Variants in XKR6 observed in about 807,000 individuals in gnomAD.
The protein encoded by XKR6 is XK-related protein 6.
Under a neutral mutation model 56.7 loss-of-function variants are expected in XKR6, and 22 were observed. The ratio of observed to expected loss-of-function variants is 0.39; its 90% confidence interval spans 0.28 to 0.55. The LOEUF (loss-of-function observed/expected upper bound fraction) is 0.55. XKR6 is among the 20% of genes least tolerant of loss of function. XKR6 has a pLI of 0.66. For synonymous variants in XKR6, 524 were observed against 387.8 expected (o/e 1.35, Z -4.13); for missense variants, 852 against 889.0 (o/e 0.96, Z 0.53).
intron 1 of XKR6, among the ~76,000 whole-genome samples, chr8:10,950,682 C>T (rs534498824): frequency 1.3e-5 from 2 of 152,330 alleles, no homozygotes; most frequent in East Asian, 3.9e-4. Context: ...TTCGTTCATA[C>T]CTCAACACAT....
At chr8:10,979,786 G>C (rs1044360552) in intron 1 of XKR6, among the ~76,000 whole-genome samples, 2 of 152,202 alleles carry the variant, frequency 1.3e-5, no homozygotes, top group Non-Finnish European at 2.9e-5. Flanking sequence ...CTCTGAGTGA[G>C]GACCCTGTGC....
chr8:11,112,401 G>C (rs770179234), intron 1 of XKR6, among the ~76,000 whole-genome samples: 7 of 151,988 alleles, frequency 4.6e-5, no homozygotes, highest in African/African-American at 7.2e-5. Flanking sequence ...CAAAGAGGTA[G>C]GCCTTTTTTG....
chr8:10,947,274 A>G (rs1801581076), intron 1 of XKR6, among the ~76,000 whole-genome samples: 1 of 152,204 alleles, frequency 6.6e-6, no homozygotes, highest in African/African-American at 2.4e-5. Flanking sequence ...TGGTGTTGCC[A>G]TTCACCGGGA....
chr8:10,963,628 A>C (rs1396806842), intron 1 of XKR6, among the ~76,000 whole-genome samples: 1 of 151,124 alleles, frequency 6.6e-6, no homozygotes, highest in African/African-American at 2.4e-5. Flanking sequence ...TGCATCCTCG[A>C]CCTCCCAGGC....
intron 1 of XKR6, among the ~76,000 whole-genome samples, chr8:11,019,479 C>T (rs1367206683): frequency 6.6e-6 from 1 of 152,228 alleles, no homozygotes; most frequent in Non-Finnish European, 1.5e-5. Flanking sequence ...GGGAGGTGGG[C>T]TGCTGGGCTG....
In XKR6 at chr8:11,201,589, A is replaced by G. The variant is rs1451235788; in HGVS notation, c.-250T>C. Among the ~76,000 whole-genome samples the G allele has an allele frequency of 6.6e-6, 1 of 151,078 alleles. No individual in the cohort carries two copies. Among genetic ancestry groups the G allele is most frequent in the Non-Finnish European group, 1.5e-5 (1 of 67,712 alleles). On this transcript the variant is annotated 5_prime_UTR_variant, in exon 1 of 3. Coordinates refer to ENST00000416569, the MANE Select transcript of XKR6 (RefSeq NM_173683.4). ...CCCCAGCCCTACCCTCCCGGCCAAG[A>G]TGGCCGCCCTCCTGTGCCTCAGCTG... is the stretch of plus-strand genomic sequence containing the variant.
intron 1 of XKR6, among the ~76,000 whole-genome samples, chr8:11,060,919 T>G (rs577758300): frequency 7.9e-5 from 12 of 152,342 alleles, no homozygotes; most frequent in African/African-American, 2.4e-4. Flanking sequence ...GTAAATATTC[T>G]TATCCCCTAT....
chr8:11,170,566 C>T (rs1269764723), intron 1 of XKR6, among the ~76,000 whole-genome samples: 1 of 152,168 alleles, frequency 6.6e-6, no homozygotes, highest in East Asian at 1.9e-4. Context: ...GAAGTGACTA[C>T]AATGGATGCA....
chr8:10,968,789 G>C (rs1802309369), intron 1 of XKR6, among the ~76,000 whole-genome samples: 1 of 152,242 alleles, frequency 6.6e-6, no homozygotes. Flanking sequence ...AATAGAAGGA[G>C]GAAAATGAGA....
chr8:11,030,179 T>C (rs1017602824), intron 1 of XKR6, among the ~76,000 whole-genome samples: 4 of 152,140 alleles, frequency 2.6e-5, no homozygotes, highest in Admixed American at 1.3e-4. Context: ...CCTGCCCGAG[T>C]TGGGCTCATT....
intron 1 of XKR6, among the ~76,000 whole-genome samples, chr8:11,011,308 T>C (rs1418169750): frequency 6.6e-6 from 1 of 152,194 alleles, no homozygotes; most frequent in Non-Finnish European, 1.5e-5. Context: ...GAAGCCCTTC[T>C]TGGGGTGGCC....
chr8:10,968,060 T>C lies in XKR6; in HGVS notation c.765-43230A>G, dbSNP rs531550167. Among the ~76,000 whole-genome samples the C allele has an allele frequency of 2.6e-5, 4 of 152,292 alleles. No homozygotes were observed. In the South Asian group the frequency reaches 8.3e-4, roughly 32 times the overall value. ...AGAGGCCCTGCAGCACCCCCCAGCCTTTCCTGTGAGCGAGGGGCCTGTTGC... is the reference window on the plus strand; with the variant it reads ...AGAGGCCCTGCAGCACCCCCCAGCCCTTCCTGTGAGCGAGGGGCCTGTTGC... On this transcript the variant is annotated intron_variant, in intron 1 of 2. Transcript: ENST00000416569.
chr8:11,091,893 C>A (rs1007744587), intron 1 of XKR6, among the ~76,000 whole-genome samples: 1 of 152,140 alleles, frequency 6.6e-6, no homozygotes, highest in African/African-American at 2.4e-5. Context: ...CCAAGGTCAT[C>A]GTAAGCATTC....
At chr8:11,031,715 C>T (rs115323244) in intron 1 of XKR6, among the ~76,000 whole-genome samples, 1,558 of 152,298 alleles carry the variant, frequency 0.01, 18 homozygotes, top group African/African-American at 0.036. Context: ...GCTAGAAAGC[C>T]CAAGTGCCAC....
intron 1 of XKR6, among the ~76,000 whole-genome samples, chr8:10,972,315 T>C (rs1418242114): frequency 1.3e-5 from 2 of 152,224 alleles, no homozygotes; most frequent in African/African-American, 4.8e-5. Context: ...TGCCAATTAC[T>C]GACCATCGGC....
chr8:11,018,943 A>C (rs1053097949), intron 1 of XKR6, among the ~76,000 whole-genome samples: 5 of 152,088 alleles, frequency 3.3e-5, no homozygotes, highest in Admixed American at 3.3e-4. Flanking sequence ...CACCATGCTC[A>C]TCTGGAGATG....
Position 11,190,648 on chromosome 8 carries a change from G to A in XKR6, c.764+9928C>T, listed in dbSNP as rs1803525480. On this transcript the variant is annotated intron_variant, in intron 1 of 2. Transcript: ENST00000416569. ...TAACACATTAGACTAGACATCAGAGGTCTCAAAGAACCTCAGCTTATATAC... is the reference window on the plus strand; with the variant it reads ...TAACACATTAGACTAGACATCAGAGATCTCAAAGAACCTCAGCTTATATAC... Among the ~76,000 whole-genome samples the A allele has an allele frequency of 1.3e-5, 2 of 152,148 alleles. 1 individual carries two copies. The highest frequency in any genetic ancestry group is 4.8e-5 in the African/African-American group (2 of 41,442).
chr8:11,090,723 A>G (rs1798038242), intron 1 of XKR6, among the ~76,000 whole-genome samples: 2 of 151,972 alleles, frequency 1.3e-5, no homozygotes, highest in South Asian at 4.1e-4. Context: ...ACTTTTATAA[A>G]TTGGGTCTTT....
intron 1 of XKR6, among the ~76,000 whole-genome samples, chr8:11,114,753 G>A (rs1412997195): frequency 5.7e-5 from 8 of 139,260 alleles, no homozygotes; most frequent in Admixed American, 5.6e-4. Context: ...GTGTGTGTGT[G>A]TGTGTGTGTG....
Sources: gnomAD v4.1 joint callset for allele counts (sites outside exome capture counted in the v4.1 genomes callset) on GRCh38, gnomAD v4.1.1 for gene constraint, MANE v1.5 for transcripts, NCBI Gene and HGNC (gene_info 2026-07-23, HGNC 2026-07-21) for gene names.